The following ZNF608 variants were observed in gnomAD, a reference collection of about 807,000 sequenced individuals.
ZNF608 encodes zinc finger protein 608.
In ZNF608, 12 loss-of-function variants were observed where a neutral mutation model predicts 109.0. The ratio of observed to expected loss-of-function variants is 0.11; its 90% CI spans 0.07 to 0.18. ZNF608 has a LOEUF of 0.18. ZNF608 is among the 10% of genes least tolerant of loss of function. ZNF608 has a pLI of 1.00. For synonymous variants in ZNF608, 732 were observed against 717.4 expected, an observed-to-expected ratio of 1.02 and a Z score of -0.33; for missense variants, 1,707 against 1,879.3, an observed-to-expected ratio of 0.91 and a Z score of 1.70.
Position 124,709,722 on chromosome 5 carries a change from A to G in ZNF608, c.907-8453T>C. ...TGTGTGTGCTTTAAATAGTGGCAGT[A>G]AATGATCAGTGTTTTCATATCTTGT... On this transcript the variant is annotated intron_variant, in intron 2 of 9. Coordinates refer to ENST00000513986, the MANE Select transcript of ZNF608 (RefSeq NM_020747.3). Among the ~76,000 whole-genome samples, 5 of 152,342 alleles carry G rather than the reference A, an allele frequency of 3.3e-5. No individual in the cohort carries two copies. In the South Asian group the frequency reaches 1.0e-3, roughly 32 times the overall value.
intron 3 of ZNF608, among the ~76,000 whole-genome samples, chr5:124,685,516 T>C (rs1375376138): frequency 6.6e-6 from 1 of 152,026 alleles, no homozygotes; most frequent in Non-Finnish European, 1.5e-5. Context: ...AAGTGACAGT[T>C]GCATACCCAC....
intron 3 of ZNF608, among the ~76,000 whole-genome samples, chr5:124,686,182 T>A (rs1468696716): frequency 6.6e-6 from 1 of 152,212 alleles, no homozygotes; most frequent in Non-Finnish European, 1.5e-5. Context: ...GCAACCAATA[T>A]AATTTTAAGT....
At position 124,647,325 on chromosome 5, in the gene ZNF608, C is replaced by A. The variant is rs749673381; in HGVS notation, c.3059G>T (p.Gly1020Val). Residue 1020 changes from glycine (G) to valine (V), a missense_variant, in exon 5 of 10, where the codon GGA becomes GTA. This residue lies in a region of ZNF608 where 1,073 missense variants were observed against 1,133.5 expected (regional missense o/e 0.95). Coordinates refer to ENST00000513986, the MANE Select transcript of ZNF608 (RefSeq NM_020747.3). ...HPGQVGAPAAGNSGSTQGMKI... is the reference protein window; with the variant it reads ...HPGQVGAPAAVNSGSTQGMKI... ...CATTCCCTGCGTGCTCCCACTATTTCCAGCTGCAGGGGCACCGACCTGCCC... is the reference window on the plus strand; with the variant it reads ...CATTCCCTGCGTGCTCCCACTATTTACAGCTGCAGGGGCACCGACCTGCCC... 3.7e-6 allele frequency: 6 copies of A among 1,614,210 alleles called. No individual in the cohort carries two copies. The highest frequency in any genetic ancestry group is 1.1e-5 in the South Asian group (1 of 91,082).
chr5:124,673,468 A>C (rs1324156484), intron 3 of ZNF608, among the ~76,000 whole-genome samples: 1 of 152,230 alleles, frequency 6.6e-6, no homozygotes, highest in Non-Finnish European at 1.5e-5. Context: ...TAAACTTTTA[A>C]TTTATTTCCT....
rs1317300553 is a variant in ZNF608, at chr5:124,660,750, C to T, written c.1163-11053G>A. ...TTATGTAAAGTATTTAACATGAGCACTGGCATAAAGAAGCCACTCAGCATA... is the reference window on the plus strand; with the variant it reads ...TTATGTAAAGTATTTAACATGAGCATTGGCATAAAGAAGCCACTCAGCATA... On this transcript the variant is annotated intron_variant, in intron 3 of 9. Coordinates refer to ENST00000513986, the MANE Select transcript of ZNF608 (RefSeq NM_020747.3). Among the ~76,000 whole-genome samples the T allele has an allele frequency of 2.6e-5, 4 of 152,180 alleles. No individual in the cohort carries two copies. In the East Asian group the frequency reaches 7.7e-4, roughly 29 times the overall value.
At chr5:124,717,716 A>T (rs1213842774) in intron 2 of ZNF608, among the ~76,000 whole-genome samples, 3 of 152,138 alleles carry the variant, frequency 2.0e-5, no homozygotes, top group Non-Finnish European at 4.4e-5. Flanking sequence ...AGGAAAGTTA[A>T]CTCAAGACCA....
At position 124,735,546 on chromosome 5, in the gene ZNF608, G is replaced by A. The variant is rs1390004606; in HGVS notation, c.906+8538C>T. 2.0e-5 allele frequency among the ~76,000 whole-genome samples: 3 copies of A among 152,360 alleles called. No homozygotes were observed. The East Asian group carries it at 5.8e-4, about 29-fold the overall frequency. ...AAAACCTGCACACTGATAAACTGGA[G>A]GATGCAAAAGTCAAAGGGAGAGAAG... On this transcript the variant is annotated intron_variant, in intron 2 of 9. Transcript: ENST00000513986.
chr5:124,745,119 T>C lies in ZNF608; in HGVS notation c.-130A>G, dbSNP rs1159159484. ...CTTCTAATCTTCCTCTTCTTTTTCC[T>C]GCCCCACGAATGTGTCCAGGGATTT... On this transcript the variant is annotated 5_prime_UTR_variant, in exon 2 of 10. Coordinates refer to ENST00000513986, the MANE Select transcript of ZNF608 (RefSeq NM_020747.3). 2.1e-6 allele frequency: 3 copies of C among 1,445,194 alleles called. No homozygotes were observed. The highest frequency in any genetic ancestry group is 1.8e-6 in the Non-Finnish European group (2 of 1,107,896). The allele number at this position is 1,445,194 out of a possible 1,614,324, so 89.5% of individuals were successfully genotyped here.
At chr5:124,639,600 T>A (rs1345952703) in intron 8 of ZNF608, among the ~76,000 whole-genome samples, 1 of 152,204 alleles carries the variant, frequency 6.6e-6, no homozygotes, top group Admixed American at 6.5e-5. Context: ...TACAATACTT[T>A]CATAATAATT....
intron 3 of ZNF608, among the ~76,000 whole-genome samples, chr5:124,694,229 C>A (rs1379837225): frequency 1.4e-5 from 2 of 145,680 alleles, no homozygotes; most frequent in South Asian, 4.4e-4. Flanking sequence ...TCCTGACCTC[C>A]TGATCCGCCC....
chr5:124,691,281 A>C (rs551513962), intron 3 of ZNF608, among the ~76,000 whole-genome samples: 4 of 152,210 alleles, frequency 2.6e-5, no homozygotes, highest in East Asian at 1.9e-4. Context: ...CAAAACAAAA[A>C]AAAAAGGTGA....
chr5:124,644,194 T>G (rs768985616), intron 6 of ZNF608, 50 bp downstream of exon 6: 1 of 1,483,208 alleles, frequency 6.7e-7, no homozygotes, highest in Non-Finnish European at 9.1e-7. Context: ...ACAGCTAATA[T>G]TTGAACATCG....
intron 3 of ZNF608, among the ~76,000 whole-genome samples, chr5:124,666,616 G>A (rs1751489581): frequency 6.6e-6 from 1 of 151,952 alleles, no homozygotes; most frequent in Admixed American, 6.6e-5. Flanking sequence ...ATATAGCAAA[G>A]GCACATTCCG....
At chr5:124,641,999 A>T (rs756040075) in intron 7 of ZNF608, among the ~76,000 whole-genome samples, 9 of 152,156 alleles carry the variant, frequency 5.9e-5, no homozygotes, top group African/African-American at 2.2e-4. Flanking sequence ...TTCATTTCCT[A>T]TGACTTTCTA....
chr5:124,681,628 A>T (rs1157454072), intron 3 of ZNF608, among the ~76,000 whole-genome samples: 2 of 152,168 alleles, frequency 1.3e-5, no homozygotes, highest in African/African-American at 4.8e-5. Flanking sequence ...ATGACTGTTA[A>T]GTCCCACCTA....
At chr5:124,715,781 C>T (rs891598521) in intron 2 of ZNF608, among the ~76,000 whole-genome samples, 53 of 152,242 alleles carry the variant, frequency 3.5e-4, no homozygotes, top group African/African-American at 1.2e-3. Context: ...CTTATGCATA[C>T]ATATCTTACG....
At chr5:124,658,900 A>C (rs1354787528) in intron 3 of ZNF608, among the ~76,000 whole-genome samples, 1 of 152,224 alleles carries the variant, frequency 6.6e-6, no homozygotes, top group African/African-American at 2.4e-5. Context: ...TATGAGCCAT[A>C]ATAATGACAC....
At chr5:124,639,418 T>C (rs1438767423) in intron 8 of ZNF608, among the ~76,000 whole-genome samples, 1 of 152,238 alleles carries the variant, frequency 6.6e-6, no homozygotes, top group African/African-American at 2.4e-5. Flanking sequence ...TGCAGTTTTC[T>C]TAATAGCTAT....
In ZNF608 at chr5:124,647,792, C is replaced by T; in HGVS notation, c.2592G>A (p.Leu864=). The change falls in exon 5 of 10, where the codon CTG becomes CTA. Residue 864 remains leucine, a synonymous_variant. Transcript: ENST00000513986. The part of the protein sequence containing the change: ...LKDHLNKNEG[L]ANGLSESQES... ...CCTGAGACTCCGACAGTCCATTTGC[C>T]AGCCCTTCATTCTTGTTGAGATGAT... The T allele has an allele frequency of 6.2e-7, 1 of 1,614,166 alleles. No individual in the cohort carries two copies. The highest frequency in any genetic ancestry group is 1.1e-5 in the South Asian group (1 of 91,086).
Sources: gnomAD v4.1 joint callset for allele counts (sites outside exome capture counted in the v4.1 genomes callset) on GRCh38, gnomAD v4.1.1 for gene constraint, gnomAD v4.1.1 regional missense constraint, MANE v1.5 for transcripts, NCBI Gene and HGNC (gene_info 2026-07-23, HGNC 2026-07-21) for gene names.